MPPED2: variants seen among roughly 807,000 people sequenced by gnomAD.
MPPED2 encodes metallophosphoesterase MPPED2.
Under a neutral mutation model 33.0 loss-of-function variants are expected in MPPED2, and 5 were observed. The observed-to-expected ratio is 0.15, with a 90% CI of 0.08 to 0.32. The LOEUF (loss-of-function observed/expected upper bound fraction) is 0.32, where lower values mean the gene tolerates loss of function less well. Ranked by LOEUF, MPPED2 falls within the 10% of genes least tolerant of loss-of-function variation. The pLI, the probability that MPPED2 is intolerant of heterozygous loss-of-function variation, is 1.00. For synonymous variants in MPPED2, 136 were observed against 141.9 expected, an observed-to-expected ratio of 0.96 and a Z score of 0.29; for missense variants, 275 against 372.1, an observed-to-expected ratio of 0.74 and a Z score of 2.15.
At chr11:30,399,712 A>G (rs895095692) in intron 6 of MPPED2, among the ~76,000 whole-genome samples, 2 of 152,220 alleles carry the variant, frequency 1.3e-5, no homozygotes, top group Non-Finnish European at 2.9e-5. Context: ...AGGTTGAATT[A>G]CCAGCTAAAG....
intron 4 of MPPED2, among the ~76,000 whole-genome samples, chr11:30,461,549 A>T (rs1950518506): frequency 6.6e-6 from 1 of 152,064 alleles, no homozygotes; most frequent in African/African-American, 2.4e-5. Flanking sequence ...AGCTGCTGTG[A>T]CTCAAACTAC....
exon 7 of MPPED2, chr11:30,384,938 A>G (rs936809193): frequency 1.3e-5 from 2 of 152,214 alleles, no homozygotes; most frequent in Non-Finnish European, 2.9e-5. Flanking sequence ...ACAAACTGAC[A>G]AGAATTTGTC....
At chr11:30,448,495 A>G (rs554228450) in intron 4 of MPPED2, among the ~76,000 whole-genome samples, 1 of 151,922 alleles carries the variant, frequency 6.6e-6, no homozygotes, top group Non-Finnish European at 1.5e-5. Context: ...TACACACTAA[A>G]GTGTTACGGC....
chr11:30,473,503 T>TATGATGGGCAGCCTCTAAG (rs1951040781), intron 4 of MPPED2, among the ~76,000 whole-genome samples: 1 of 152,164 alleles, frequency 6.6e-6, no homozygotes, highest in African/African-American at 2.4e-5. Context: ...CCACTGCCAC[T>TATGATGGGCAGCCTCTAAG]ATGATGGGCA....
intron 2 of MPPED2, among the ~76,000 whole-genome samples, chr11:30,551,730 A>G (rs1415390922): frequency 6.6e-6 from 1 of 152,218 alleles, no homozygotes; most frequent in Non-Finnish European, 1.5e-5. Flanking sequence ...TGAGCATAGT[A>G]AGTTCTAGAG....
chr11:30,394,341 C>T (rs1351822160), intron 6 of MPPED2, among the ~76,000 whole-genome samples: 1 of 152,182 alleles, frequency 6.6e-6, no homozygotes, highest in African/African-American at 2.4e-5. Context: ...TCATGAGAAA[C>T]TGCTAAGCTG....
chr11:30,477,442 G>T (rs1486288418), intron 4 of MPPED2, among the ~76,000 whole-genome samples: 1 of 151,992 alleles, frequency 6.6e-6, no homozygotes, highest in African/African-American at 2.4e-5. Context: ...GAGTCTTTTT[G>T]AATGCTTTTT....
chr11:30,434,783 G>T (rs1252791956), intron 4 of MPPED2, among the ~76,000 whole-genome samples: 1 of 152,078 alleles, frequency 6.6e-6, no homozygotes, highest in Non-Finnish European at 1.5e-5. Context: ...TGAAACAATT[G>T]TACAGTTATC....
chr11:30,401,851 A>ATTT, intron 6 of MPPED2, among the ~76,000 whole-genome samples: 1 of 140,196 alleles, frequency 7.1e-6, no homozygotes, highest in Non-Finnish European at 1.6e-5. Flanking sequence ...TGGCCAGCTA[A>ATTT]TTTTTTGTAT....
rs570985161 is a variant in MPPED2 at position 30,402,344 on chromosome 11, C to A, written c.766+11884G>T. Among the ~76,000 whole-genome samples, 4 of 152,154 alleles carry A rather than the reference C, an allele frequency of 2.6e-5. No individual in the cohort carries two copies. In the East Asian group the frequency reaches 7.7e-4, roughly 29 times the overall value. On this transcript the variant is annotated intron_variant, in intron 6 of 6. Coordinates refer to the MPPED2 transcript ENST00000448418. ...GCATATTGTCACTTCGCTGGAGATA[C>A]GTGATTTATTTCTTGAGAAAAGTCT...
At chr11:30,545,942 A>C (rs1342266813) in intron 2 of MPPED2, among the ~76,000 whole-genome samples, 1 of 152,066 alleles carries the variant, frequency 6.6e-6, no homozygotes, top group Non-Finnish European at 1.5e-5. Flanking sequence ...GGCTCACTGC[A>C]ACCACCTCCC....
At chr11:30,429,481 A>G (rs1348988453) in intron 4 of MPPED2, among the ~76,000 whole-genome samples, 1 of 152,232 alleles carries the variant, frequency 6.6e-6, no homozygotes, top group African/African-American at 2.4e-5. Flanking sequence ...AGTACACACA[A>G]TCAGAGGAAT....
chr11:30,508,833 T>A (rs943737559), intron 3 of MPPED2, among the ~76,000 whole-genome samples: 1 of 152,166 alleles, frequency 6.6e-6, no homozygotes, highest in Admixed American at 6.5e-5. Context: ...GCTTGCCAAG[T>A]GCTTGCAGTT....
intron 1 of MPPED2, among the ~76,000 whole-genome samples, chr11:30,585,173 T>C (rs992206983): frequency 6.6e-6 from 1 of 152,036 alleles, no homozygotes; most frequent in Admixed American, 6.5e-5. Context: ...TATACGTAAA[T>C]AGCAAAGAAA....
At chr11:30,499,211 G>A (rs1158327673) in intron 3 of MPPED2, among the ~76,000 whole-genome samples, 3 of 152,080 alleles carry the variant, frequency 2.0e-5, no homozygotes, top group Non-Finnish European at 4.4e-5. Context: ...CTTCACTTCT[G>A]CCTTTTCACT....
intron 2 of MPPED2, among the ~76,000 whole-genome samples, chr11:30,553,110 T>A (rs905763705): frequency 2.0e-5 from 3 of 152,200 alleles, no homozygotes; most frequent in African/African-American, 7.2e-5. Flanking sequence ...AGGGTGCAGA[T>A]GTGAATTCCT....
chr11:30,517,374 A>G (rs928859973), intron 3 of MPPED2, among the ~76,000 whole-genome samples: 2 of 152,198 alleles, frequency 1.3e-5, no homozygotes, highest in Admixed American at 6.5e-5. Flanking sequence ...CACTGGGCAT[A>G]TTTCCCTAAT....
At chr11:30,571,638 G>C (rs1036602994) in intron 2 of MPPED2, among the ~76,000 whole-genome samples, 4 of 152,118 alleles carry the variant, frequency 2.6e-5, no homozygotes, top group Admixed American at 2.6e-4. Context: ...AAGGGAAAAA[G>C]ACATGGGAAG....
chr11:30,437,032 C>T (rs1046950979), intron 4 of MPPED2, among the ~76,000 whole-genome samples: 2 of 152,142 alleles, frequency 1.3e-5, no homozygotes, highest in African/African-American at 4.8e-5. Context: ...CAGAGAGCTT[C>T]CTCTATTTAA....
Sources: gnomAD v4.1 joint callset for allele counts (sites outside exome capture counted in the v4.1 genomes callset) on GRCh38, gnomAD v4.1.1 for gene constraint, MANE v1.5 for transcripts, NCBI Gene and HGNC (gene_info 2026-07-23, HGNC 2026-07-21) for gene names.